Variants in OSBPL3 observed in about 807,000 individuals in gnomAD.
OSBPL3 encodes the protein oxysterol-binding protein-related protein 3.
OSBPL3 carries 65 observed loss-of-function variants against 120.1 expected under a neutral mutation model. The ratio of observed to expected loss-of-function variants is 0.54; its 90% CI spans 0.44 to 0.67. OSBPL3 has a LOEUF of 0.67. Ranked by LOEUF, OSBPL3 falls within the 30% of genes least tolerant of loss-of-function variation. The probability of loss-of-function intolerance (pLI) is 0.00; values close to 1 mark genes in which losing one functional copy is unlikely to be tolerated. For missense variants in OSBPL3, 1,004 were observed against 1,082.1 expected, an observed-to-expected ratio of 0.93 and a Z score of 1.01; for synonymous variants, 416 against 402.6, an observed-to-expected ratio of 1.03 and a Z score of -0.40.
chr7:24,978,515 T>C (rs1051974170), intron 1 of OSBPL3, among the ~76,000 whole-genome samples: 7 of 152,184 alleles, frequency 4.6e-5, no homozygotes, highest in Non-Finnish European at 7.3e-5. Flanking sequence ...AAACGGGTGA[T>C]GTGGCTTGGC....
Position 24,855,458 on chromosome 7 carries a change from G to C in OSBPL3, c.1028-2824C>G, listed in dbSNP as rs1346129547. Among the ~76,000 whole-genome samples, 1 of 152,180 alleles carries C rather than the reference G, an allele frequency of 6.6e-6. No homozygotes were observed. The highest frequency in any genetic ancestry group is 1.5e-5 in the Non-Finnish European group (1 of 68,032). On this transcript the variant is annotated intron_variant, in intron 10 of 22. Coordinates refer to ENST00000313367, the MANE Select transcript of OSBPL3 (RefSeq NM_015550.4). The surrounding 1 kb of genome is among the most constrained non-coding windows in gnomAD (Gnocchi z 4.3). ...GCTGACAAGATTGCAATAGGTGTAA[G>C]ATAAGCAGAAAGAAACTCATATAGT... is the stretch of plus-strand genomic sequence containing the variant.
intron 1 of OSBPL3, among the ~76,000 whole-genome samples, chr7:24,905,670 G>C (rs940015569): frequency 1.3e-5 from 2 of 152,126 alleles, no homozygotes; most frequent in Non-Finnish European, 2.9e-5. Flanking sequence ...ATACTGATGA[G>C]TGTGGGCTCC....
Position 24,803,693 on chromosome 7 carries a change from C to T in OSBPL3, c.2567+622G>A, listed in dbSNP as rs938732985. Among the ~76,000 whole-genome samples the T allele has an allele frequency of 9.2e-5, 14 of 152,176 alleles. No individual in the cohort carries two copies. The highest frequency in any genetic ancestry group is 8.3e-4 in the South Asian group (4 of 4,818). ...GGCTGAGGCAGGAGAATCGCTTGAA[C>T]CCAGGAGGTGGAGGCTGCAGTGAGT... On this transcript the variant is annotated intron_variant, in intron 22 of 22. Coordinates refer to ENST00000313367, the MANE Select transcript of OSBPL3 (RefSeq NM_015550.4). This position sits in a 1 kb window ranked among gnomAD's most constrained non-coding sequence, Gnocchi z 4.2.
chr7:24,863,471 T>C lies in OSBPL3; in HGVS notation c.777+25A>G, dbSNP rs1407843123. 3.2e-6 allele frequency: 5 copies of C among 1,564,202 alleles called. No homozygotes were observed. Among genetic ancestry groups the C allele is most frequent in the Non-Finnish European group, 2.6e-6 (3 of 1,134,556 alleles). On this transcript the variant is annotated intron_variant, in intron 8 of 22. Transcript: ENST00000313367. The surrounding 1 kb of genome is among the most constrained non-coding windows in gnomAD (Gnocchi z 5.8). Reference sequence around the variant, plus strand: ...AGGAAAGCAGAAGAGGGCCAGAATGTCAACAGAAGAGGAGTCCGGCTCACC... The same window carrying C: ...AGGAAAGCAGAAGAGGGCCAGAATGCCAACAGAAGAGGAGTCCGGCTCACC...
intron 2 of OSBPL3, among the ~76,000 whole-genome samples, chr7:24,889,421 A>G (rs1805003466): frequency 6.6e-6 from 1 of 152,202 alleles, no homozygotes; most frequent in Non-Finnish European, 1.5e-5. Flanking sequence ...GAAATTGGCT[A>G]TAAAAGTAGA....
In OSBPL3 at chr7:24,819,218, A is replaced by C. The variant is rs1238801276; in HGVS notation, c.1948+957T>G. On this transcript the variant is annotated intron_variant, in intron 17 of 22. Coordinates refer to ENST00000313367, the MANE Select transcript of OSBPL3 (RefSeq NM_015550.4). This position sits in a 1 kb window ranked among gnomAD's most constrained non-coding sequence, Gnocchi z 4.1. ...CAGTGAGCCGAGATCGCACCACTGC[A>C]CTCCAGCCTAGCAACAGACTGAGAC... Among the ~76,000 whole-genome samples, 1 of 149,078 alleles carries C rather than the reference A, an allele frequency of 6.7e-6. No individual in the cohort carries two copies. Among genetic ancestry groups the C allele is most frequent in the African/African-American group, 2.5e-5 (1 of 40,272 alleles).
chr7:24,962,521 A>G (rs1283981399), intron 1 of OSBPL3, among the ~76,000 whole-genome samples: 1 of 150,862 alleles, frequency 6.6e-6, no homozygotes, highest in Non-Finnish European at 1.5e-5. Context: ...GGCCAGTAAC[A>G]GCCCTGACAA....
intron 1 of OSBPL3, among the ~76,000 whole-genome samples, chr7:24,958,806 T>C (rs554836153): frequency 9.2e-5 from 14 of 152,342 alleles, no homozygotes; most frequent in East Asian, 3.9e-4. Flanking sequence ...CAAACCAATA[T>C]TGTAAATCTA....
In OSBPL3 at chr7:24,808,704, C is replaced by A. The variant is rs1329451329; in HGVS notation, c.2317+1103G>T. Among the ~76,000 whole-genome samples, 1 of 152,214 alleles carries A rather than the reference C, an allele frequency of 6.6e-6. No individual in the cohort carries two copies. The highest frequency in any genetic ancestry group is 1.5e-5 in the Non-Finnish European group (1 of 68,032). ...TTGCTAACAGAATACTGATTCTGTTCAAATGGCATTGTGCCCTTACTGGGG... is the reference window on the plus strand; with the variant it reads ...TTGCTAACAGAATACTGATTCTGTTAAAATGGCATTGTGCCCTTACTGGGG... On this transcript the variant is annotated intron_variant, in intron 20 of 22. Transcript: ENST00000313367. This position sits in a 1 kb window ranked among gnomAD's most constrained non-coding sequence, Gnocchi z 4.6.
intron 1 of OSBPL3, among the ~76,000 whole-genome samples, chr7:24,902,010 G>A (rs531504657): frequency 3.3e-5 from 5 of 152,300 alleles, no homozygotes; most frequent in East Asian, 3.9e-4. Flanking sequence ...CAAACTGCCC[G>A]GGTTCAAGGC....
At chr7:24,926,075 T>C (rs1346417029) in intron 1 of OSBPL3, among the ~76,000 whole-genome samples, 1 of 152,252 alleles carries the variant, frequency 6.6e-6, no homozygotes, top group African/African-American at 2.4e-5. Flanking sequence ...GGGCTAGGTA[T>C]GCCGTGGTCA....
rs112778203 is a variant in OSBPL3 at position 24,819,742 on chromosome 7, T to C, written c.1948+433A>G. Among the ~76,000 whole-genome samples, 13 of 152,288 alleles carry C rather than the reference T, an allele frequency of 8.5e-5. No individual in the cohort carries two copies. Among genetic ancestry groups the C allele is most frequent in the African/African-American group, 2.9e-4 (12 of 41,562 alleles). On this transcript the variant is annotated intron_variant, in intron 17 of 22. Transcript: ENST00000313367. This position sits in a 1 kb window ranked among gnomAD's most constrained non-coding sequence, Gnocchi z 4.1. ...AATATCTATAGCCTTATTTATTCTT[T>C]AGAAGATTTACCCACCCAACCCCAA...
chr7:24,961,886 TG>T (rs1425299608), intron 1 of OSBPL3, among the ~76,000 whole-genome samples: 1 of 152,196 alleles, frequency 6.6e-6, no homozygotes, highest in Non-Finnish European at 1.5e-5. Context: ...AGCATCGAGC[TG>T]GCCATTTACT....
At chr7:24,880,290 G>C (rs184409203) in intron 2 of OSBPL3, among the ~76,000 whole-genome samples, 1 of 152,270 alleles carries the variant, frequency 6.6e-6, no homozygotes, top group East Asian at 1.9e-4. Flanking sequence ...ACTGCGTCTT[G>C]AGATCCCACG....
rs1042766921 is a variant in OSBPL3 at position 24,965,916 on chromosome 7, C to G, written c.-150+13970G>C. Among the ~76,000 whole-genome samples the G allele has an allele frequency of 6.6e-6, 1 of 152,200 alleles. No homozygotes were observed. Among genetic ancestry groups the G allele is most frequent in the Non-Finnish European group, 1.5e-5 (1 of 68,036 alleles). ...ACTGCTGAGGTTTAGAACCACTTCC[C>G]TCAAGGGTGTGTCCCATTCATGTGG... On this transcript the variant is annotated intron_variant, in intron 1 of 22. Transcript: ENST00000313367. The surrounding 1 kb of genome is among the most constrained non-coding windows in gnomAD (Gnocchi z 4.3).
chr7:24,867,935 T>A lies in OSBPL3; in HGVS notation c.382-1698A>T, dbSNP rs923504854. On this transcript the variant is annotated intron_variant, in intron 5 of 22. Transcript: ENST00000313367. The surrounding 1 kb of genome is among the most constrained non-coding windows in gnomAD (Gnocchi z 4.5). ...ATGAAGAATACTGTAACTAGTAGTT[T>A]TTATTTAAAGATATTTCAAATGTTT... Among the ~76,000 whole-genome samples the A allele has an allele frequency of 1.3e-5, 2 of 152,230 alleles. No individual in the cohort carries two copies. The highest frequency in any genetic ancestry group is 4.8e-5 in the African/African-American group (2 of 41,454).
At chr7:24,973,952 G>A (rs1817301050) in intron 1 of OSBPL3, among the ~76,000 whole-genome samples, 1 of 152,148 alleles carries the variant, frequency 6.6e-6, no homozygotes, top group Non-Finnish European at 1.5e-5. Context: ...AATTTCTTAA[G>A]TAGACAAAGA....
At chr7:24,837,946 C>T (rs1254375679) in intron 14 of OSBPL3, among the ~76,000 whole-genome samples, 1 of 152,158 alleles carries the variant, frequency 6.6e-6, no homozygotes, top group African/African-American at 2.4e-5. Context: ...TAATAGGAAA[C>T]ACTCTAAAAA....
intron 2 of OSBPL3, among the ~76,000 whole-genome samples, chr7:24,880,463 G>C (rs1803519606): frequency 6.6e-6 from 1 of 151,970 alleles, no homozygotes. Flanking sequence ...TTTGTTCCAG[G>C]GGCATGTTTC....
Sources: gnomAD v4.1 joint callset for allele counts (sites outside exome capture counted in the v4.1 genomes callset) on GRCh38, gnomAD v4.1.1 for gene constraint, Gnocchi (gnomAD v3.1) non-coding constraint, MANE v1.5 for transcripts, NCBI Gene and HGNC (gene_info 2026-07-23, HGNC 2026-07-21) for gene names.